The following MARCHF8 variants were observed in gnomAD, a reference collection of about 807,000 sequenced individuals.
MARCHF8 encodes the protein membrane associated ring-CH-type finger 8.
A neutral mutation model predicts 51.6 loss-of-function variants in MARCHF8; 40 were observed. That is an observed-to-expected ratio of 0.77 (90% CI 0.60 to 1.01). The LOEUF is 1.01. Among genes scored for constraint, MARCHF8 ranks in the 50% least tolerant of loss-of-function variants. The pLI, the probability that MARCHF8 is intolerant of heterozygous loss-of-function variation, is 0.00. For missense variants in MARCHF8, 685 were observed against 708.6 expected, an observed-to-expected ratio of 0.97 and a Z score of 0.38; for synonymous variants, 263 against 280.3, an observed-to-expected ratio of 0.94 and a Z score of 0.62.
intron 1 of MARCHF8, among the ~76,000 whole-genome samples, chr10:45,553,780 C>T (rs1472530197): frequency 6.6e-6 from 1 of 152,018 alleles, no homozygotes; most frequent in Non-Finnish European, 1.5e-5. Context: ...TACCATTCAC[C>T]TAAGACGGGA....
intron 1 of MARCHF8, among the ~76,000 whole-genome samples, chr10:45,560,043 G>C (rs1193058447): frequency 1.3e-5 from 2 of 152,096 alleles, no homozygotes; most frequent in Non-Finnish European, 2.9e-5. Flanking sequence ...CTGGGAAGAG[G>C]CTAATTAGGT....
intron 3 of MARCHF8, among the ~76,000 whole-genome samples, chr10:45,466,712 T>C (rs554707099): frequency 1.9e-4 from 29 of 152,284 alleles, no homozygotes; most frequent in African/African-American, 7.0e-4. Flanking sequence ...TAAGGTCTTA[T>C]CTGGAAAATC....
At chr10:45,461,478 G>A in intron 5 of MARCHF8, 67 bp from the exon 6 acceptor site, 1 of 1,354,806 alleles carries the variant, frequency 7.4e-7, no homozygotes, top group Non-Finnish European at 9.8e-7. Context: ...CACTTCAGTG[G>A]CAGGTTAATC....
chr10:45,477,969 T>C (rs2042817001), intron 3 of MARCHF8, among the ~76,000 whole-genome samples: 1 of 152,190 alleles, frequency 6.6e-6, no homozygotes, highest in East Asian at 1.9e-4. Context: ...TAATAATAGC[T>C]GAGGACTTCA....
intron 1 of MARCHF8, among the ~76,000 whole-genome samples, chr10:45,552,380 C>T (rs1425154734): frequency 6.6e-6 from 1 of 150,852 alleles, no homozygotes; most frequent in Non-Finnish European, 1.5e-5. Flanking sequence ...TCAATTTTCT[C>T]CACCTAGAAA....
Position 45,512,639 on chromosome 10 carries a change from G to A in MARCHF8, c.102+20471C>T, listed in dbSNP as rs1319984136. 1.4e-4 allele frequency among the ~76,000 whole-genome samples: 21 copies of A among 151,330 alleles called. No homozygotes were observed. The East Asian group carries it at 2.6e-3, about 18-fold the overall frequency. On this transcript the variant is annotated intron_variant, in intron 2 of 7. Transcript: ENST00000453424. ...CCCCGCCCGGCCAGCCGCCCCGTCCGGGAGGTGAGGGGCGCCTCTGCCCGG... is the reference window on the plus strand; with the variant it reads ...CCCCGCCCGGCCAGCCGCCCCGTCCAGGAGGTGAGGGGCGCCTCTGCCCGG...
intron 6 of MARCHF8, among the ~76,000 whole-genome samples, chr10:45,460,740 G>A (rs1019198249): frequency 4.6e-5 from 7 of 152,146 alleles, no homozygotes; most frequent in East Asian, 1.9e-4. Flanking sequence ...TGCACATCAC[G>A]CAACGTTTGT....
At chr10:45,513,471 A>T (rs1156527482) in intron 2 of MARCHF8, among the ~76,000 whole-genome samples, 1 of 152,002 alleles carries the variant, frequency 6.6e-6, no homozygotes, top group Non-Finnish European at 1.5e-5. Flanking sequence ...GTAGAAAGAG[A>T]TTGTCCATTT....
intron 6 of MARCHF8, chr10:45,459,986 G>T: frequency 2.9e-6 from 2 of 692,688 alleles, no homozygotes; most frequent in Non-Finnish European, 3.6e-6. Context: ...TTCCAGATGA[G>T]TCTATGCAGG....
chr10:45,488,507 C>T (rs1325154498), intron 3 of MARCHF8, among the ~76,000 whole-genome samples: 2 of 152,144 alleles, frequency 1.3e-5, no homozygotes, highest in African/African-American at 4.8e-5. Flanking sequence ...ACGTGACCAA[C>T]TCAGCATTCC....
chr10:45,560,624 C>G (rs1007546781), intron 1 of MARCHF8, among the ~76,000 whole-genome samples: 1 of 152,178 alleles, frequency 6.6e-6, no homozygotes, highest in African/African-American at 2.4e-5. Flanking sequence ...GTCCCCTAGC[C>G]CGCTCCCCTA....
intron 2 of MARCHF8, among the ~76,000 whole-genome samples, chr10:45,490,008 C>T (rs1001304384): frequency 4.6e-5 from 7 of 152,246 alleles, no homozygotes; most frequent in Admixed American, 3.9e-4. Context: ...TGCCCCTCCA[C>T]ATTCAGTCAC....
chr10:45,501,995 T>C (rs908653305), intron 2 of MARCHF8, among the ~76,000 whole-genome samples: 1 of 152,042 alleles, frequency 6.6e-6, no homozygotes, highest in African/African-American at 2.4e-5. Context: ...CATCACCAAA[T>C]GTTGAGGATA....
chr10:45,483,413 T>C (rs960677907), intron 3 of MARCHF8, among the ~76,000 whole-genome samples: 7 of 152,188 alleles, frequency 4.6e-5, no homozygotes, highest in African/African-American at 1.7e-4. Context: ...CATCAGGGAA[T>C]AACAGATGTT....
intron 1 of MARCHF8, among the ~76,000 whole-genome samples, chr10:45,555,089 C>T (rs1040539004): frequency 2.0e-5 from 3 of 151,572 alleles, no homozygotes; most frequent in African/African-American, 4.8e-5. Context: ...ATTAGCCGGG[C>T]GTAGTGGTGC....
chr10:45,587,839 G>A (rs542868377), intron 1 of MARCHF8, among the ~76,000 whole-genome samples: 1 of 152,108 alleles, frequency 6.6e-6, no homozygotes, highest in South Asian at 2.1e-4. Context: ...TAGAGAAAGG[G>A]GAAGAAACTC....
chr10:45,522,129 C>G (rs2043715632), intron 2 of MARCHF8, among the ~76,000 whole-genome samples: 1 of 152,074 alleles, frequency 6.6e-6, no homozygotes, highest in African/African-American at 2.4e-5. Context: ...GTCAGGGGTT[C>G]AAGGTTCAAA....
At chr10:45,588,319 C>T (rs2044639792) in intron 1 of MARCHF8, among the ~76,000 whole-genome samples, 2 of 152,132 alleles carry the variant, frequency 1.3e-5, no homozygotes, top group South Asian at 4.1e-4. Context: ...ATCTTTTTAA[C>T]CTCCTTTCAT....
upstream of MARCHF8, among the ~76,000 whole-genome samples, chr10:45,536,693 A>G (rs1364926364): frequency 2.0e-5 from 3 of 151,942 alleles, no homozygotes; most frequent in African/African-American, 7.2e-5. Context: ...CTCTCTTACA[A>G]CTCAGTAACA....
Sources: gnomAD v4.1 joint callset for allele counts (sites outside exome capture counted in the v4.1 genomes callset) on GRCh38, gnomAD v4.1.1 for gene constraint, MANE v1.5 for transcripts, NCBI Gene and HGNC (gene_info 2026-07-23, HGNC 2026-07-21) for gene names.